The following MTSS1 variants were observed in gnomAD, a reference collection of about 807,000 sequenced individuals.
MTSS1 encodes the protein protein MTSS 1.
Under a neutral mutation model 79.0 loss-of-function variants are expected in MTSS1, and 18 were observed. That is an observed-to-expected ratio of 0.23 (90% confidence interval 0.16 to 0.34). MTSS1 has a LOEUF of 0.34. Among genes scored for constraint, MTSS1 ranks in the 10% least tolerant of loss-of-function variants. The pLI, the probability that MTSS1 is intolerant of heterozygous loss-of-function variation, is 1.00. For synonymous variants in MTSS1, 341 were observed against 368.6 expected (o/e 0.93, Z 0.86); for missense variants, 815 against 986.2 (o/e 0.83, Z 2.33).
intron 3 of MTSS1, among the ~76,000 whole-genome samples, chr8:124,674,008 G>C (rs920063391): frequency 2.0e-5 from 3 of 152,178 alleles, no homozygotes; most frequent in African/African-American, 7.2e-5. Context: ...CATGATCCAG[G>C]GTGGAAGGGG....
At chr8:124,604,395 G>A (rs1387216116) in intron 3 of MTSS1, among the ~76,000 whole-genome samples, 1 of 152,064 alleles carries the variant, frequency 6.6e-6, no homozygotes, top group African/African-American at 2.4e-5. Context: ...AGGAAACTAA[G>A]AGAAGAGAAA....
At chr8:124,633,862 G>GTGGT in intron 3 of MTSS1, among the ~76,000 whole-genome samples, 1 of 151,930 alleles carries the variant, frequency 6.6e-6, no homozygotes. Context: ...ATTTCTGACG[G>GTGGT]TGGTTCTAGA....
chr8:124,567,966 C>T, intron 7 of MTSS1: 1 of 1,358,126 alleles, frequency 7.4e-7, no homozygotes, highest in Non-Finnish European at 9.5e-7. Flanking sequence ...TAGTACTCGG[C>T]TACAACAGTG....
chr8:124,725,464 T>C (rs1245580385), intron 1 of MTSS1, among the ~76,000 whole-genome samples: 1 of 152,220 alleles, frequency 6.6e-6, no homozygotes, highest in African/African-American at 2.4e-5. Context: ...CTTATCCTTT[T>C]CTCACCCAGC....
chr8:124,677,270 C>T (rs1368135958), intron 3 of MTSS1, among the ~76,000 whole-genome samples: 1 of 152,030 alleles, frequency 6.6e-6, no homozygotes, highest in Non-Finnish European at 1.5e-5. Context: ...TATTTTCTAC[C>T]TCTACCTCCA....
chr8:124,598,941 T>C (rs554443358), intron 3 of MTSS1, among the ~76,000 whole-genome samples: 1 of 152,306 alleles, frequency 6.6e-6, no homozygotes, highest in South Asian at 2.1e-4. Context: ...GGGTGGTGGA[T>C]AAGAAAGCCA....
At position 124,727,925 on chromosome 8, in the gene MTSS1, C is replaced by A; in HGVS notation, c.31G>T (p.Ala11Ser). MEAVIEKECSALGGLFQTIIS... is the reference protein window; with the variant it reads MEAVIEKECSSLGGLFQTIIS... The stretch of plus-strand genomic sequence containing the variant: ...ATGGTCTGGAAGAGGCCTCCGAGCG[C>A]GCTGCATTCCTTCTCAATCACAGCC... The change falls in exon 1 of 14, where the codon GCG becomes TCG. Residue 11 changes from alanine (A) to serine (S), a missense_variant. Physicochemically the swap from Ala to Ser is moderately conservative, Grantham distance 99. Around this residue, in one of 2 missense-constraint regions of MTSS1, gnomAD observed 225 missense variants for 365.4 expected, o/e 0.62. Coordinates refer to ENST00000518547, the MANE Select transcript of MTSS1 (RefSeq NM_014751.6). This position sits in a 1 kb window ranked among gnomAD's most constrained non-coding sequence, Gnocchi z 4.7. The A allele has an allele frequency of 3.1e-6, 5 of 1,610,182 alleles. No homozygotes were observed. The highest frequency in any genetic ancestry group is 4.2e-6 in the Non-Finnish European group (5 of 1,178,590).
intron 6 of MTSS1, among the ~76,000 whole-genome samples, chr8:124,575,779 C>T (rs890190603): frequency 6.6e-6 from 1 of 152,150 alleles, no homozygotes; most frequent in African/African-American, 2.4e-5. Flanking sequence ...AACTAGAAAA[C>T]GTCCCAGGCC....
At chr8:124,557,992 TAAAAC>T (rs1429546129) in intron 10 of MTSS1, 117 bp from the exon 11 acceptor site, 12 of 794,256 alleles carry the variant, frequency 1.5e-5, no homozygotes, top group Non-Finnish European at 2.3e-5. Context: ...TATTTATAAA[TAAAAC>T]AAACATTGGG....
chr8:124,666,410 T>A (rs1200422362), intron 3 of MTSS1, among the ~76,000 whole-genome samples: 1 of 152,144 alleles, frequency 6.6e-6, no homozygotes, highest in Non-Finnish European at 1.5e-5. Context: ...AAAAATTAAC[T>A]CTGACAGGAA....
At chr8:124,567,256 G>C in intron 7 of MTSS1, 78 bp from the exon 8 acceptor site, 2 of 1,234,132 alleles carry the variant, frequency 1.6e-6, no homozygotes, top group Non-Finnish European at 2.4e-6. Context: ...GTTTTCATTA[G>C]GGTCTCTGTA....
At chr8:124,608,532 C>T (rs1419358026) in intron 3 of MTSS1, among the ~76,000 whole-genome samples, 6 of 152,194 alleles carry the variant, frequency 3.9e-5, no homozygotes, top group Non-Finnish European at 8.8e-5. Flanking sequence ...TTCAGGTTGC[C>T]GACATCTTTT....
chr8:124,606,708 C>G (rs550819160), intron 3 of MTSS1, among the ~76,000 whole-genome samples: 2 of 151,982 alleles, frequency 1.3e-5, no homozygotes, highest in Non-Finnish European at 2.9e-5. Flanking sequence ...GCCCTTCCCC[C>G]GAACATCTGT....
At chr8:124,610,987 T>C (rs1835691219) in intron 3 of MTSS1, among the ~76,000 whole-genome samples, 1 of 152,128 alleles carries the variant, frequency 6.6e-6, no homozygotes, top group African/African-American at 2.4e-5. Flanking sequence ...ACCCTGGTGG[T>C]ATTCCATGAA....
chr8:124,593,722 G>A (rs1387349282), intron 3 of MTSS1, among the ~76,000 whole-genome samples: 1 of 152,184 alleles, frequency 6.6e-6, no homozygotes, highest in Non-Finnish European at 1.5e-5. Context: ...ACCATCCCAT[G>A]TTATAGAAAG....
intron 3 of MTSS1, among the ~76,000 whole-genome samples, chr8:124,669,236 A>G (rs1022622088): frequency 8.5e-5 from 13 of 152,200 alleles, no homozygotes; most frequent in African/African-American, 2.9e-4. Flanking sequence ...ATAATTACTC[A>G]TTTTCTAATT....
At chr8:124,700,145 A>G (rs566456504) in intron 2 of MTSS1, among the ~76,000 whole-genome samples, 1 of 151,392 alleles carries the variant, frequency 6.6e-6, no homozygotes, top group African/African-American at 2.4e-5. Context: ...CCTCAAAAAA[A>G]AAAAGAAAAA....
chr8:124,712,416 C>T (rs994915575), intron 1 of MTSS1, among the ~76,000 whole-genome samples: 16 of 152,220 alleles, frequency 1.1e-4, no homozygotes, highest in East Asian at 1.9e-4. Flanking sequence ...TTCTGACCTA[C>T]GCTGGAGTGG....
intron 3 of MTSS1, among the ~76,000 whole-genome samples, chr8:124,628,868 G>C (rs747594116): frequency 1.3e-5 from 2 of 152,176 alleles, no homozygotes; most frequent in Non-Finnish European, 2.9e-5. Context: ...AGGACTCAAA[G>C]CCAGGTGGTG....
Sources: allele counts gnomAD v4.1 joint callset (sites outside exome capture counted in the v4.1 genomes callset), GRCh38; gene constraint gnomAD v4.1.1; regional missense constraint gnomAD v4.1.1; non-coding constraint Gnocchi (gnomAD v3.1); transcripts MANE v1.5; gene names NCBI Gene and HGNC (gene_info 2026-07-23, HGNC 2026-07-21).